The following ADGRL3 variants were observed in gnomAD, a reference collection of about 807,000 sequenced individuals.
ADGRL3 encodes adhesion G protein-coupled receptor L3, also known as calcium-independent alpha-latrotoxin receptor 3.
ADGRL3 carries 62 observed loss-of-function variants against 153.5 expected under a neutral mutation model. That is an observed-to-expected ratio of 0.40 (90% CI 0.33 to 0.50). The LOEUF (loss-of-function observed/expected upper bound fraction) is 0.50, where lower values mean the gene tolerates loss of function less well. Among genes scored for constraint, ADGRL3 ranks in the 20% least tolerant of loss-of-function variants. The pLI is 0.47. For synonymous variants in ADGRL3, 710 were observed against 672.5 expected (o/e 1.06, Z -0.86); for missense variants, 1,641 against 1,859.4 (o/e 0.88, Z 2.16).
intron 9 of ADGRL3, among the ~76,000 whole-genome samples, chr4:61,826,318 AG>A (rs1284129891): frequency 6.6e-6 from 1 of 152,212 alleles, no homozygotes; most frequent in Non-Finnish European, 1.5e-5. Flanking sequence ...GGAAATTTAT[AG>A]TATATTAACT....
At chr4:61,597,960 A>C (rs565859699) in intron 5 of ADGRL3, among the ~76,000 whole-genome samples, 23 of 152,264 alleles carry the variant, frequency 1.5e-4, no homozygotes, top group African/African-American at 4.6e-4. Flanking sequence ...AATTAGGGAC[A>C]CAAAACATAC....
chr4:61,701,211 A>G (rs1174293161), intron 6 of ADGRL3, among the ~76,000 whole-genome samples: 1 of 152,148 alleles, frequency 6.6e-6, no homozygotes, highest in Non-Finnish European at 1.5e-5. Flanking sequence ...AAGTTCAGCT[A>G]ATGCAGAATC....
chr4:61,785,127 G>T (rs2097262309), intron 8 of ADGRL3, among the ~76,000 whole-genome samples: 1 of 152,028 alleles, frequency 6.6e-6, no homozygotes, highest in Non-Finnish European at 1.5e-5. Context: ...ATAAATAAAG[G>T]GGGTTAGGAG....
intron 24 of ADGRL3, 91 bp from the exon 25 acceptor site, chr4:62,044,362 C>T: frequency 1.2e-6 from 1 of 845,970 alleles, no homozygotes; most frequent in South Asian, 1.5e-5. Context: ...ACAAAGGTCT[C>T]ATATAATTAT....
chr4:61,661,068 C>A (rs1352208604), intron 5 of ADGRL3, among the ~76,000 whole-genome samples: 1 of 151,950 alleles, frequency 6.6e-6, no homozygotes, highest in Non-Finnish European at 1.5e-5. Flanking sequence ...AAAATAATCA[C>A]TGATTAAAAT....
At chr4:61,995,770 G>A (rs1290566236) in intron 19 of ADGRL3, among the ~76,000 whole-genome samples, 1 of 152,090 alleles carries the variant, frequency 6.6e-6, no homozygotes, top group African/African-American at 2.4e-5. Flanking sequence ...CAGTAACAAT[G>A]CACTTTTTAA....
At chr4:61,368,153 G>C (rs2096444399) in intron 1 of ADGRL3, among the ~76,000 whole-genome samples, 1 of 151,800 alleles carries the variant, frequency 6.6e-6, no homozygotes, top group Admixed American at 6.6e-5. Context: ...TGTCAGATGA[G>C]TAGGTTGCAA....
intron 6 of ADGRL3, among the ~76,000 whole-genome samples, chr4:61,717,850 G>A (rs924111237): frequency 8.6e-5 from 13 of 151,818 alleles, no homozygotes; most frequent in African/African-American, 2.9e-4. Context: ...CCTGGCCAAC[G>A]TGGTGGAACC....
At chr4:61,636,455 T>A (rs1167185881) in intron 5 of ADGRL3, among the ~76,000 whole-genome samples, 1 of 152,152 alleles carries the variant, frequency 6.6e-6, no homozygotes, top group Non-Finnish European at 1.5e-5. Flanking sequence ...TGGAATAACA[T>A]ATTTGAAGTT....
intron 5 of ADGRL3, among the ~76,000 whole-genome samples, chr4:61,643,485 G>GT (rs1274721686): frequency 1.3e-4 from 20 of 151,746 alleles, no homozygotes; most frequent in African/African-American, 4.6e-4. Flanking sequence ...TTTATTGAGA[G>GT]TTTTTAGCAT....
At chr4:61,766,441 C>G (rs1415600992) in intron 8 of ADGRL3, among the ~76,000 whole-genome samples, 4 of 152,106 alleles carry the variant, frequency 2.6e-5, no homozygotes, top group Non-Finnish European at 5.9e-5. Context: ...GACAGAAAGG[C>G]TACAGGGTGT....
At chr4:61,689,915 A>G (rs983111036) in intron 6 of ADGRL3, among the ~76,000 whole-genome samples, 2 of 152,134 alleles carry the variant, frequency 1.3e-5, no homozygotes, top group African/African-American at 2.4e-5. Flanking sequence ...AATTACCTGG[A>G]GAAAGCCAGT....
chr4:61,632,827 C>T (rs1168829205), intron 5 of ADGRL3, among the ~76,000 whole-genome samples: 1 of 152,052 alleles, frequency 6.6e-6, no homozygotes, highest in East Asian at 1.9e-4. Context: ...AGTTGATCTA[C>T]CATATTTGTG....
At chr4:61,779,414 C>T (rs948414312) in intron 8 of ADGRL3, among the ~76,000 whole-genome samples, 2 of 151,628 alleles carry the variant, frequency 1.3e-5, no homozygotes, top group Admixed American at 1.3e-4. Flanking sequence ...GAGTGGATCA[C>T]CTGAGGTCAG....
intron 22 of ADGRL3, among the ~76,000 whole-genome samples, chr4:62,030,305 CT>C (rs1450594818): frequency 4.3e-4 from 65 of 151,534 alleles, no homozygotes; most frequent in Non-Finnish European, 5.6e-4. Flanking sequence ...ATATATCTTC[CT>C]AAGTCATTAT....
At chr4:61,720,446 T>G (rs776504098) in intron 6 of ADGRL3, among the ~76,000 whole-genome samples, 2 of 152,212 alleles carry the variant, frequency 1.3e-5, no homozygotes, top group Non-Finnish European at 2.9e-5. Flanking sequence ...TTTCAAATGT[T>G]TTGTTTGTTG....
At chr4:61,723,137 TA>T in intron 6 of ADGRL3, among the ~76,000 whole-genome samples, 1 of 152,328 alleles carries the variant, frequency 6.6e-6, no homozygotes, top group East Asian at 1.9e-4. Context: ...CATTCACTTC[TA>T]TTCTTGTCTG....
At chr4:61,216,570 A>G (rs1742895941) in intron 1 of ADGRL3, among the ~76,000 whole-genome samples, 2 of 151,992 alleles carry the variant, frequency 1.3e-5, no homozygotes, top group Admixed American at 1.3e-4. Flanking sequence ...ATTACAATTT[A>G]TTATAAAGTT....
chr4:61,214,164 G>A (rs1477087537), intron 1 of ADGRL3, among the ~76,000 whole-genome samples: 7 of 152,050 alleles, frequency 4.6e-5, no homozygotes, highest in African/African-American at 1.7e-4. Context: ...AAAAGCAGAG[G>A]TCAGTAAAAT....
Sources: gnomAD v4.1 joint callset for allele counts (sites outside exome capture counted in the v4.1 genomes callset) on GRCh38, gnomAD v4.1.1 for gene constraint, MANE v1.5 for transcripts, NCBI Gene and HGNC (gene_info 2026-07-23, HGNC 2026-07-21) for gene names.